PLCD3: variants seen among roughly 807,000 people sequenced by gnomAD.
PLCD3 encodes phospholipase C delta 3.
PLCD3 carries 62 observed loss-of-function variants against 82.8 expected under a neutral mutation model. The observed-to-expected ratio is 0.75, with a 90% CI of 0.61 to 0.93. The LOEUF (loss-of-function observed/expected upper bound fraction) is 0.93. Ranked by LOEUF, PLCD3 falls within the 40% of genes least tolerant of loss-of-function variation. The pLI, the probability that PLCD3 is intolerant of heterozygous loss-of-function variation, is 0.00. For synonymous variants in PLCD3, 478 were observed against 471.8 expected (o/e 1.01, Z -0.17); for missense variants, 1,023 against 1,103.4 (o/e 0.93, Z 1.03).
rs1567877580 is a variant in PLCD3, at chr17:45,114,316, G to A, written c.1762C>T (p.Leu588=). 1 of 1,549,594 alleles carries A rather than the reference G, an allele frequency of 6.5e-7. No homozygotes were observed. Among genetic ancestry groups the A allele is most frequent in the Non-Finnish European group, 8.7e-7 (1 of 1,146,196 alleles). ...NARQLTRVYP[L]GLRMNSANYS... ...TTGGCTGAGTTCATCCGCAGCCCCA[G>A]CGGGTACACGCGGGTCAGCTGGCGG... Residue 588 remains leucine (L), a synonymous_variant, in exon 11 of 15, where the codon CTG becomes TTG. Transcript: ENST00000619929.
rs369961319 is a variant in PLCD3, at chr17:45,118,936, C to T, written c.792G>A (p.Ser264=). The change falls in exon 5 of 15, where the codon TCG becomes TCA. Residue 264 remains serine, a synonymous_variant. Transcript: ENST00000619929. The surrounding 1 kb of genome is among the most constrained non-coding windows in gnomAD (Gnocchi z 4.1). ...PELEEIFHQY[S]GEDRVLSAPE... Reference sequence around the variant, plus strand: ...GGGCACTCAGCACGCGGTCCTCGCCCGAGTACTGATGGAAGATCTCCTCCA... The same window carrying T: ...GGGCACTCAGCACGCGGTCCTCGCCTGAGTACTGATGGAAGATCTCCTCCA... 52 of 1,612,610 alleles carry T rather than the reference C, an allele frequency of 3.2e-5. No individual in the cohort carries two copies. The African/African-American group carries it at 4.1e-4, about 13-fold the overall frequency.
At chr17:45,116,082 A>C (rs2054289003) in intron 8 of PLCD3, among the ~76,000 whole-genome samples, 1 of 152,182 alleles carries the variant, frequency 6.6e-6, no homozygotes, top group South Asian at 2.1e-4. Flanking sequence ...CCCTGCCTGC[A>C]TGTTGGGGAT....
Position 45,115,191 on chromosome 17 carries a change from G to A in PLCD3, c.1614C>T (p.Thr538=). The A allele has an allele frequency of 6.3e-7, 1 of 1,584,868 alleles. No individual in the cohort carries two copies. The highest frequency in any genetic ancestry group is 8.6e-7 in the Non-Finnish European group (1 of 1,165,130). ...GGGCAGGGTGCAGGGTCCGCAGGCG[G>A]GTGGCGTGGCAGTACACAGCCAGGG... ...LSALAVYCHA[T]RLRTLHPAPN... is the part of the protein sequence containing the mutation. Residue 538 remains threonine (T), a synonymous_variant, in exon 10 of 15, where the codon ACC becomes ACT. Coordinates refer to ENST00000619929, the MANE Select transcript of PLCD3 (RefSeq NM_133373.5).
chr17:45,123,591 T>C (rs2054358461), intron 1 of PLCD3, among the ~76,000 whole-genome samples: 1 of 152,156 alleles, frequency 6.6e-6, no homozygotes, highest in Non-Finnish European at 1.5e-5. Context: ...GGTCAGGGTT[T>C]CTCAACCTTA....
chr17:45,129,918 C>T (rs532126293), intron 1 of PLCD3, among the ~76,000 whole-genome samples: 112 of 152,326 alleles, frequency 7.4e-4, no homozygotes, highest in Non-Finnish European at 1.5e-3. Context: ...AGTCCCTTGA[C>T]CTGATTTGAT....
At chr17:45,114,214 A>C (rs1598027325) in intron 11 of PLCD3, 36 bp downstream of exon 11, 5 of 1,476,342 alleles carry the variant, frequency 3.4e-6, no homozygotes, top group Non-Finnish European at 4.5e-6. Context: ...ACACTGTGGC[A>C]CCCCGCCTGC....
At chr17:45,122,898 G>A (rs1454897529) in intron 1 of PLCD3, among the ~76,000 whole-genome samples, 1 of 152,170 alleles carries the variant, frequency 6.6e-6, no homozygotes, top group Non-Finnish European at 1.5e-5. Flanking sequence ...CTTTGGAGGT[G>A]GGGCACAGCC....
chr17:45,125,355 T>C lies in PLCD3; in HGVS notation c.164-3983A>G, dbSNP rs529129941. The stretch of plus-strand genomic sequence containing the variant: ...GGCTCACACCTGTAATCCCAGCACT[T>C]TGGGAGGCCGAGGCAGGCAGATCAT... On this transcript the variant is annotated intron_variant, in intron 1 of 14. Coordinates refer to ENST00000619929, the MANE Select transcript of PLCD3 (RefSeq NM_133373.5). Among the ~76,000 whole-genome samples, 45 of 152,112 alleles carry C rather than the reference T, an allele frequency of 3.0e-4. No homozygotes were observed. The South Asian group carries it at 9.3e-3, about 32-fold the overall frequency.
At chr17:45,122,081 G>A (rs140892879) in intron 1 of PLCD3, among the ~76,000 whole-genome samples, 1 of 152,172 alleles carries the variant, frequency 6.6e-6, no homozygotes. Flanking sequence ...CCATCAGGAA[G>A]GTCTCACCAT....
Position 45,115,088 on chromosome 17 carries a change from T to C in PLCD3, c.1711+6A>G. The C allele has an allele frequency of 6.3e-7, 1 of 1,593,714 alleles. No homozygotes were observed. Among genetic ancestry groups the C allele is most frequent in the Non-Finnish European group, 8.5e-7 (1 of 1,170,242 alleles). On this transcript the variant is annotated splice_donor_region_variant and intron_variant, in intron 10 of 14. Transcript: ENST00000619929. ...GCCCCCAGACACCCAGTGCCCCAGC[T>C]CCTACCTGCCTCCCGAATGAGTTTC...
chr17:45,123,168 T>C (rs1413472511), intron 1 of PLCD3, among the ~76,000 whole-genome samples: 2 of 152,112 alleles, frequency 1.3e-5, no homozygotes, highest in African/African-American at 4.8e-5. Context: ...ATTGAGTCTA[T>C]ATCTCTGGAC....
At chr17:45,114,199 C>A in intron 11 of PLCD3, 51 bp downstream of exon 11, 1 of 1,398,704 alleles carries the variant, frequency 7.1e-7, no homozygotes, top group Non-Finnish European at 9.6e-7. Flanking sequence ...GCTGAGGCCT[C>A]CCCCACACTG....
In PLCD3 at chr17:45,113,555, GC is replaced by G; in HGVS notation, c.1878del (p.Arg627AlafsTer3). 6.4e-7 allele frequency: 1 copy of G among 1,561,358 alleles called. No individual in the cohort carries two copies. The highest frequency in any genetic ancestry group is 8.7e-7 in the Non-Finnish European group (1 of 1,152,798). On this transcript the variant is annotated frameshift_variant, in exon 12 of 15. Coordinates refer to ENST00000619929, the MANE Select transcript of PLCD3 (RefSeq NM_133373.5). LOFTEE classifies it high-confidence loss of function. Reference sequence around the variant, plus strand: ...CCACACTGCCCATTGACTAGGAAGCGCCCGGCATTGAGGTCCATCTCGTAGC... The same window carrying G: ...CCACACTGCCCATTGACTAGGAAGCGCCGGCATTGAGGTCCATCTCGTAGC... Reference protein sequence around the residue: ...TPGYEMDLNAGRFLVNGQCGY... With the variant: ...TPGYEMDLNAXRFLVNGQCGY...
intron 1 of PLCD3, among the ~76,000 whole-genome samples, chr17:45,128,045 G>A (rs1445288509): frequency 6.6e-6 from 1 of 152,092 alleles, no homozygotes; most frequent in Non-Finnish European, 1.5e-5. Context: ...ACACAATGGC[G>A]AGGGGTCCCA....
At chr17:45,113,088 T>TC in intron 13 of PLCD3, 34 bp downstream of exon 13, 2 of 1,611,832 alleles carry the variant, frequency 1.2e-6, no homozygotes, top group Non-Finnish European at 1.7e-6. Flanking sequence ...CTCTGCAGTC[T>TC]CCCCCAACCC....
intron 4 of PLCD3, 43 bp downstream of exon 4, chr17:45,120,282 G>C (rs746241977): frequency 3.7e-6 from 6 of 1,612,634 alleles, no homozygotes; most frequent in Non-Finnish European, 5.1e-6. Flanking sequence ...AGAGGTCAGA[G>C]TGATGGCAGA....
At chr17:45,116,606 C>G in intron 8 of PLCD3, 26 bp downstream of exon 8, 2 of 1,533,568 alleles carry the variant, frequency 1.3e-6, no homozygotes, top group East Asian at 2.4e-5. Flanking sequence ...CTCCCTCCAC[C>G]CAGGCTAGGG....
At chr17:45,131,028 C>A (rs2054429130) in intron 1 of PLCD3, among the ~76,000 whole-genome samples, 1 of 152,174 alleles carries the variant, frequency 6.6e-6, no homozygotes, top group Non-Finnish European at 1.5e-5. Context: ...ACCATAGGCA[C>A]TCCACAAGTG....
Position 45,116,655 on chromosome 17 carries a change from G to T in PLCD3, c.1390C>A (p.Pro464Thr), listed in dbSNP as rs2054293935. The T allele has an allele frequency of 5.6e-6, 9 of 1,603,966 alleles. No homozygotes were observed. Among genetic ancestry groups the T allele is most frequent in the Non-Finnish European group, 7.7e-6 (9 of 1,174,384 alleles). Residue 464 changes from proline to threonine, a missense_variant, in exon 8 of 15, where the codon CCC becomes ACC. Pro to Thr is a conservative substitution (Grantham distance 38). Coordinates refer to ENST00000619929, the MANE Select transcript of PLCD3 (RefSeq NM_133373.5). ...ACCTCTGGGGATGGCAGCTCCTCGG[G>T]ATTTGGGGAGTCCAGCGCCTGTGTC... Reference protein sequence around the residue: ...LVTQALDSPNPEELPSPEQLK... With the variant: ...LVTQALDSPNTEELPSPEQLK...
Sources: gnomAD v4.1 joint callset for allele counts (sites outside exome capture counted in the v4.1 genomes callset) on GRCh38, gnomAD v4.1.1 for gene constraint, Gnocchi (gnomAD v3.1) non-coding constraint, MANE v1.5 for transcripts, NCBI Gene and HGNC (gene_info 2026-07-23, HGNC 2026-07-21) for gene names.